Variants in ATP8A2 observed in about 807,000 individuals in gnomAD.
ATP8A2 encodes phospholipid-transporting ATPase IB.
In ATP8A2, 100 loss-of-function variants were observed where a neutral mutation model predicts 165.6. That is an observed-to-expected ratio of 0.60 (90% CI 0.51 to 0.71). ATP8A2 has a LOEUF of 0.71. Ranked by LOEUF, ATP8A2 falls within the 30% of genes least tolerant of loss-of-function variation. The probability of loss-of-function intolerance (pLI) is 0.00; values close to 1 mark genes in which losing one functional copy is unlikely to be tolerated. For synonymous variants in ATP8A2, 543 were observed against 548.8 expected, an observed-to-expected ratio of 0.99 and a Z score of 0.15; for missense variants, 1,227 against 1,479.5, an observed-to-expected ratio of 0.83 and a Z score of 2.80.
intron 25 of ATP8A2, among the ~76,000 whole-genome samples, chr13:25,736,095 T>C (rs534864875): frequency 2.6e-5 from 4 of 152,342 alleles, no homozygotes; most frequent in Admixed American, 6.5e-5. Flanking sequence ...GTTGTACACA[T>C]TTGTAGCCTA....
chr13:25,405,373 G>A (rs2138036910), intron 1 of ATP8A2, among the ~76,000 whole-genome samples: 1 of 152,198 alleles, frequency 6.6e-6, no homozygotes, highest in East Asian at 1.9e-4. Flanking sequence ...ATGCCCTTAT[G>A]TATCCAGTTA....
At chr13:25,592,744 C>T (rs2138316461) in intron 24 of ATP8A2, among the ~76,000 whole-genome samples, 1 of 152,160 alleles carries the variant, frequency 6.6e-6, no homozygotes, top group Admixed American at 6.5e-5. Context: ...TTCTGGAGTC[C>T]AAGAGATGAA....
intron 1 of ATP8A2, among the ~76,000 whole-genome samples, chr13:25,461,189 C>A (rs141336278): frequency 1.3e-5 from 2 of 152,266 alleles, no homozygotes; most frequent in Non-Finnish European, 2.9e-5. Context: ...CTTTTGAATT[C>A]TTGGGTAGAA....
intron 25 of ATP8A2, among the ~76,000 whole-genome samples, chr13:25,760,803 A>G (rs1299214333): frequency 6.6e-6 from 1 of 152,212 alleles, no homozygotes; most frequent in Non-Finnish European, 1.5e-5. Context: ...AAGAGCTCAA[A>G]TTCTGTTTTT....
intron 33 of ATP8A2, among the ~76,000 whole-genome samples, chr13:25,922,735 C>G (rs1237124217): frequency 6.6e-6 from 1 of 152,164 alleles, no homozygotes; most frequent in Non-Finnish European, 1.5e-5. Flanking sequence ...GTCCAGATAT[C>G]CTACACAGGG....
intron 23 of ATP8A2, among the ~76,000 whole-genome samples, chr13:25,588,386 G>A (rs2039980893): frequency 6.6e-6 from 1 of 152,200 alleles, no homozygotes; most frequent in Non-Finnish European, 1.5e-5. Flanking sequence ...GGATTTCTCA[G>A]GGATGAAAAG....
At position 25,772,360 on chromosome 13, in the gene ATP8A2, G is replaced by C. The variant is rs190597655; in HGVS notation, c.2569-2489G>C. ...AGGATGACTCAAGCAGATGTTTTCT[G>C]TGCCCATTGAAGTTTAACATCAGGG... On this transcript the variant is annotated intron_variant, in intron 26 of 36. Coordinates refer to ENST00000381655, the MANE Select transcript of ATP8A2 (RefSeq NM_016529.6). Among the ~76,000 whole-genome samples the C allele has an allele frequency of 1.2e-3, 183 of 152,202 alleles. 1 individual carries two copies. The highest frequency in any genetic ancestry group is 4.2e-3 in the African/African-American group (174 of 41,532).
At chr13:25,470,791 G>T (rs1383494193) in intron 2 of ATP8A2, among the ~76,000 whole-genome samples, 1 of 152,192 alleles carries the variant, frequency 6.6e-6, no homozygotes, top group Non-Finnish European at 1.5e-5. Flanking sequence ...AAAAAGGAAT[G>T]AAATATTGAC....
intron 24 of ATP8A2, among the ~76,000 whole-genome samples, chr13:25,625,936 A>C (rs2041089114): frequency 6.6e-6 from 1 of 152,146 alleles, no homozygotes; most frequent in African/African-American, 2.4e-5. Context: ...GACTGCATCT[A>C]CTGGCTCTGA....
chr13:25,828,283 G>A (rs1031014470), intron 28 of ATP8A2, 91 bp downstream of exon 28: 1 of 1,081,412 alleles, frequency 9.2e-7, no homozygotes, highest in African/African-American at 1.6e-5. Flanking sequence ...GTGTATCTGA[G>A]TCAATCATCT....
chr13:25,881,227 A>G (rs1275337879), intron 33 of ATP8A2, among the ~76,000 whole-genome samples: 1 of 152,056 alleles, frequency 6.6e-6, no homozygotes. Flanking sequence ...GCAAAGCTAT[A>G]CAATGTGTTA....
chr13:25,424,773 C>T (rs772624661), intron 1 of ATP8A2, among the ~76,000 whole-genome samples: 5 of 152,082 alleles, frequency 3.3e-5, no homozygotes, highest in Non-Finnish European at 5.9e-5. Flanking sequence ...GCCTGGCCAA[C>T]ATGGTAAAAC....
chr13:25,576,979 A>G (rs2039635260), intron 19 of ATP8A2, 90 bp from the exon 20 acceptor site: 3 of 1,024,054 alleles, frequency 2.9e-6, no homozygotes, highest in Non-Finnish European at 4.5e-6. Context: ...TAGGAACCCC[A>G]GACCCCCTTT....
chr13:25,990,261 T>TG (rs71188705), intron 35 of ATP8A2, among the ~76,000 whole-genome samples: 17 of 108,370 alleles, frequency 1.6e-4, no homozygotes, highest in South Asian at 3.2e-4. Flanking sequence ...CATGTAACTG[T>TG]AAAAAAAAAA....
At chr13:25,414,195 T>TG (rs1566114937) in intron 1 of ATP8A2, among the ~76,000 whole-genome samples, 1 of 121,196 alleles carries the variant, frequency 8.3e-6, no homozygotes, top group African/African-American at 4.2e-5. Context: ...TGTTTTTTTT[T>TG]TTTTTTTTTT....
chr13:25,591,194 G>A (rs894708238), intron 24 of ATP8A2: 4 of 446,366 alleles, frequency 9.0e-6, no homozygotes, highest in African/African-American at 2.0e-5. Context: ...TAAGTGTACA[G>A]TTCAGTGGCA....
At chr13:25,860,939 A>G in intron 32 of ATP8A2, 79 bp downstream of exon 32, 1 of 986,424 alleles carries the variant, frequency 1.0e-6, no homozygotes, top group South Asian at 1.4e-5. Context: ...CCTTGGGGAA[A>G]CCATAAGCAA....
chr13:25,897,148 G>A (rs935091478), intron 33 of ATP8A2, among the ~76,000 whole-genome samples: 2 of 152,132 alleles, frequency 1.3e-5, no homozygotes, highest in Non-Finnish European at 2.9e-5. Flanking sequence ...TTACAGTTTG[G>A]CATGTTTTTG....
chr13:25,810,543 ACTACT>A (rs996827120), intron 27 of ATP8A2, among the ~76,000 whole-genome samples: 155 of 152,098 alleles, frequency 1.0e-3, no homozygotes, highest in African/African-American at 3.5e-3. Context: ...AAAACAAAAC[ACTACT>A]CTATCTCCAA....
Sources: allele counts gnomAD v4.1 joint callset (sites outside exome capture counted in the v4.1 genomes callset), GRCh38; gene constraint gnomAD v4.1.1; transcripts MANE v1.5; gene names NCBI Gene and HGNC (gene_info 2026-07-23, HGNC 2026-07-21).